The following CT47C1 variants were observed in gnomAD, a reference collection of about 807,000 sequenced individuals.
CT47C1 encodes the protein cancer/testis antigen family 47 member A11 pseudogene.
the CT47C1 span, chrX:119,073,787 G>A: frequency 3.5e-6 from 3 of 852,919 alleles, no homozygotes; most frequent in Admixed American, 2.4e-5. Context: ...TCCTGAGGGC[G>A]AGGGCCTGGG....
chrX:119,074,575 C>A, the CT47C1 span, among the ~76,000 whole-genome samples: 1 of 111,479 alleles, frequency 9.0e-6, no homozygotes, highest in African/African-American at 3.3e-5. Flanking sequence ...GGGTGAGGAA[C>A]CAATGAGCTT....
the CT47C1 span, chrX:119,073,300 C>T: frequency 5.9e-6 from 3 of 508,583 alleles, no homozygotes; most frequent in South Asian, 5.6e-5. Context: ...GAGCGCAGGC[C>T]GAGGCCGTAG....
the CT47C1 span, among the ~76,000 whole-genome samples, chrX:119,076,050 A>G: frequency 2.7e-5 from 3 of 112,748 alleles, no homozygotes; most frequent in Non-Finnish European, 5.6e-5. Flanking sequence ...TGTTTAAGAT[A>G]TAGCACACAA....
chrX:119,076,086 C>A, the CT47C1 span: 2 of 112,570 alleles, frequency 1.8e-5, no homozygotes, highest in African/African-American at 3.2e-5. Context: ...ACAGAGCTGG[C>A]CATTTTCTTC....
chrX:119,075,018 G>A, the CT47C1 span: 345 of 1,083,378 alleles, frequency 3.2e-4, 1 homozygote, highest in Non-Finnish European at 4.2e-4. Context: ...CTGCAGGCAA[G>A]GAAGAGAAAG....
chrX:119,075,698 G>A, the CT47C1 span, among the ~76,000 whole-genome samples: 1 of 107,412 alleles, frequency 9.3e-6, no homozygotes, highest in African/African-American at 3.4e-5. Flanking sequence ...CTGTCTTTGA[G>A]TATATTTAAA....
chrX:119,073,450 G>A, the CT47C1 span: 8 of 513,377 alleles, frequency 1.6e-5, no homozygotes, highest in Admixed American at 1.6e-4. Flanking sequence ...GGAACGCCGA[G>A]GAAGACTCAG....
At chrX:119,073,926 A>G in the CT47C1 span, 1 of 821,240 alleles carries the variant, frequency 1.2e-6, no homozygotes, top group Non-Finnish European at 1.8e-6. Context: ...GCCGCAGAAG[A>G]GCCCGCAGAG....
the CT47C1 span, chrX:119,074,988 G>T: frequency 9.5e-7 from 1 of 1,057,302 alleles, no homozygotes; most frequent in South Asian, 1.9e-5. Context: ...ATGAAAAGTG[G>T]GATGAAGAGG....
At chrX:119,074,384 G>T in the CT47C1 span, among the ~76,000 whole-genome samples, 1 of 111,919 alleles carries the variant, frequency 8.9e-6, no homozygotes, top group South Asian at 3.8e-4. Flanking sequence ...TGAATGGCCA[G>T]GTAGATAGGG....
the CT47C1 span, among the ~76,000 whole-genome samples, chrX:119,076,622 G>T: frequency 8.9e-6 from 1 of 112,456 alleles, no homozygotes; most frequent in Non-Finnish European, 1.9e-5. Flanking sequence ...CACTAGTAAC[G>T]TTGTGGCTGC....
At chrX:119,073,317 G>A in the CT47C1 span, 12 of 512,036 alleles carry the variant, frequency 2.3e-5, no homozygotes, top group East Asian at 3.3e-5. Flanking sequence ...GTAGGTGACC[G>A]GGAGGGCGGT....
chrX:119,073,435 G>A, the CT47C1 span: 1 of 517,616 alleles, frequency 1.9e-6, no homozygotes, highest in Admixed American at 2.6e-5. Flanking sequence ...CAGCCCCCGG[G>A]GGTGGGAACG....
the CT47C1 span, among the ~76,000 whole-genome samples, chrX:119,076,668 T>C: frequency 8.9e-6 from 1 of 112,645 alleles, no homozygotes; most frequent in Non-Finnish European, 1.9e-5. Context: ...GTTTGATATG[T>C]GCTGTAAGTG....
At chrX:119,074,211 G>C in the CT47C1 span, 102 of 387,951 alleles carry the variant, frequency 2.6e-4, no homozygotes, top group African/African-American at 2.4e-3. Flanking sequence ...GTGGTGAAGT[G>C]GGGGTCAGGG....
chrX:119,073,437 G>T, the CT47C1 span: 1 of 517,621 alleles, frequency 1.9e-6, no homozygotes, highest in South Asian at 2.5e-5. Flanking sequence ...GCCCCCGGGG[G>T]TGGGAACGCC....
the CT47C1 span, among the ~76,000 whole-genome samples, chrX:119,076,719 G>T: frequency 8.9e-6 from 1 of 112,225 alleles, no homozygotes; most frequent in Admixed American, 9.5e-5. Context: ...TTTTCATACT[G>T]ATTACATGTT....
chrX:119,073,973 G>C, the CT47C1 span: 4 of 741,673 alleles, frequency 5.4e-6, no homozygotes, highest in East Asian at 1.3e-4. Flanking sequence ...GGCCGCAGAG[G>C]AGGAGCTCGC....
At chrX:119,073,309 A>C in the CT47C1 span, 2 of 511,638 alleles carry the variant, frequency 3.9e-6, no homozygotes, top group Admixed American at 5.2e-5. Context: ...CCGAGGCCGT[A>C]GGTGACCGGG....
Sources: gnomAD v4.1 joint callset for allele counts (sites outside exome capture counted in the v4.1 genomes callset) on GRCh38, gnomAD v4.1.1 for gene constraint, MANE v1.5 for transcripts, NCBI Gene and HGNC (gene_info 2026-07-23, HGNC 2026-07-21) for gene names.